Variants in ZSCAN25 observed in about 807,000 individuals in gnomAD.
ZSCAN25 encodes zinc finger and SCAN domain containing 25.
A neutral mutation model predicts 38.7 loss-of-function variants in ZSCAN25; 27 were observed. The ratio of observed to expected loss-of-function variants is 0.70; its 90% CI spans 0.51 to 0.96. The LOEUF (loss-of-function observed/expected upper bound fraction) is 0.96. Among genes scored for constraint, ZSCAN25 ranks in the 40% least tolerant of loss-of-function variants. The pLI, the probability that ZSCAN25 is intolerant of heterozygous loss-of-function variation, is 0.00. For missense variants in ZSCAN25, 637 were observed against 705.9 expected (o/e 0.90, Z 1.11); for synonymous variants, 273 against 277.7 (o/e 0.98, Z 0.17).
chr7:99,662,719 A>G, the ZSCAN25 span: 1 of 1,242,892 alleles, frequency 8.0e-7, no homozygotes, highest in Admixed American at 1.9e-5. The surrounding 1 kb of genome is among the most constrained non-coding windows in gnomAD (Gnocchi z 4.3). Context: ...TGTGGCAAAA[A>G]TTCTCATCTT....
chr7:99,680,653 G>T, the ZSCAN25 span, among the ~76,000 whole-genome samples: 1 of 152,194 alleles, frequency 6.6e-6, no homozygotes, highest in African/African-American at 2.4e-5. Context: ...GGGTGAGATT[G>T]CTGGGCGTCT....
chr7:99,654,505 A>G, the ZSCAN25 span, among the ~76,000 whole-genome samples: 1 of 152,146 alleles, frequency 6.6e-6, no homozygotes, highest in Non-Finnish European at 1.5e-5. Flanking sequence ...GGTTGGTTCC[A>G]AGTCTTTGCT....
At chr7:99,676,530 A>G in the ZSCAN25 span, 1 of 1,367,194 alleles carries the variant, frequency 7.3e-7, no homozygotes, top group East Asian at 4.3e-5. Context: ...TCATTTCCTT[A>G]TGTCTGTTTA....
At chr7:99,659,606 A>T in the ZSCAN25 span, 1 of 152,598 alleles carries the variant, frequency 6.6e-6, no homozygotes, top group African/African-American at 2.4e-5. Flanking sequence ...CAAAGCTGTC[A>T]GACAGGGACA....
the ZSCAN25 span, among the ~76,000 whole-genome samples, chr7:99,645,943 G>A: frequency 6.6e-6 from 1 of 151,692 alleles, no homozygotes; most frequent in East Asian, 1.9e-4. Context: ...TTTGTTACTG[G>A]GGTCTCTATT....
chr7:99,697,244 C>T, the ZSCAN25 span, among the ~76,000 whole-genome samples: 1 of 152,152 alleles, frequency 6.6e-6, no homozygotes, highest in East Asian at 1.9e-4. Context: ...TATGGCAGGC[C>T]TGCTTGCAAC....
At chr7:99,722,238 G>A in the ZSCAN25 span, 1 of 1,604,298 alleles carries the variant, frequency 6.2e-7, no homozygotes, top group Non-Finnish European at 8.5e-7. Flanking sequence ...CCTCTGTGCA[G>A]TGGGGTAAAC....
chr7:99,631,649 G>C lies in ZSCAN25; in HGVS notation c.*1629G>C. ...TTTTTTCATTTTCCATTGTAAATAA[G>C]GTAAATGGTAATGACTAACACAAAG... On this transcript the variant is annotated 3_prime_UTR_variant, in exon 8 of 8. Transcript: ENST00000394152. The C allele has an allele frequency of 1.0e-6, 1 of 985,140 alleles. No individual in the cohort carries two copies. 61.0% of individuals were successfully genotyped at this position (985,140 alleles called of 1,614,324 possible).
At chr7:99,689,960 A>G in the ZSCAN25 span, among the ~76,000 whole-genome samples, 1 of 152,246 alleles carries the variant, frequency 6.6e-6, no homozygotes, top group South Asian at 2.1e-4. Context: ...TTTAAAGTTC[A>G]TATGGAACCA....
the ZSCAN25 span, among the ~76,000 whole-genome samples, chr7:99,693,502 C>G: frequency 6.6e-6 from 1 of 152,260 alleles, no homozygotes; most frequent in African/African-American, 2.4e-5. Flanking sequence ...CTGCCCTGCC[C>G]CCAGAAGTGG....
the ZSCAN25 span, among the ~76,000 whole-genome samples, chr7:99,686,063 C>G: frequency 1.3e-5 from 2 of 152,206 alleles, no homozygotes; most frequent in African/African-American, 4.8e-5. Context: ...CTCCGGTCTA[C>G]AGCTCCCAGT....
the ZSCAN25 span, chr7:99,714,614 T>G: frequency 1.4e-4 from 218 of 1,613,232 alleles, no homozygotes; most frequent in Non-Finnish European, 1.8e-4. Flanking sequence ...GTTAGAAAAC[T>G]TATAACTTTT....
At chr7:99,652,572 C>T in the ZSCAN25 span, 1 of 1,611,528 alleles carries the variant, frequency 6.2e-7, no homozygotes, top group Non-Finnish European at 8.5e-7. Context: ...CGGAACTCCT[C>T]AGGCTCTGTC....
At chr7:99,701,103 GCTGTGCTCC>G in the ZSCAN25 span, among the ~76,000 whole-genome samples, 1 of 152,108 alleles carries the variant, frequency 6.6e-6, no homozygotes, top group Non-Finnish European at 1.5e-5. Context: ...TATTCTAATG[GCTGTGCTCC>G]CTGTACTTAG....
the ZSCAN25 span, among the ~76,000 whole-genome samples, chr7:99,682,750 A>G: frequency 1.2e-4 from 19 of 152,150 alleles, no homozygotes; most frequent in African/African-American, 3.9e-4. Flanking sequence ...AATGCTTACA[A>G]TATATAAACA....
chr7:99,697,202 C>T, the ZSCAN25 span, among the ~76,000 whole-genome samples: 1 of 152,190 alleles, frequency 6.6e-6, no homozygotes, highest in Non-Finnish European at 1.5e-5. Context: ...TCAAGTATCT[C>T]TGTAGGAAAA....
Position 99,630,346 on chromosome 7 carries a change from C to T in ZSCAN25, c.*326C>T, listed in dbSNP as rs115725210. On this transcript the variant is annotated 3_prime_UTR_variant, in exon 8 of 8. Coordinates refer to ENST00000394152, the MANE Select transcript of ZSCAN25 (RefSeq NM_145115.3). ...TGGGAGTAAAGGCAAAACCTTGACACGTGTTGGTAGCTGGGACCTCATCTT... is the reference window on the plus strand; with the variant it reads ...TGGGAGTAAAGGCAAAACCTTGACATGTGTTGGTAGCTGGGACCTCATCTT... The T allele has an allele frequency of 3.6e-4, 396 of 1,106,620 alleles. No individual in the cohort carries two copies. The African/African-American group carries it at 5.4e-3, about 15-fold the overall frequency. 68.6% of individuals were successfully genotyped at this position (1,106,620 alleles called of 1,614,324 possible).
the ZSCAN25 span, among the ~76,000 whole-genome samples, chr7:99,720,048 C>A: frequency 1.3e-5 from 2 of 152,156 alleles, no homozygotes; most frequent in East Asian, 3.9e-4. Context: ...ACTACCCACA[C>A]AAATGAGGGC....
chr7:99,722,690 T>G, the ZSCAN25 span, among the ~76,000 whole-genome samples: 13 of 152,216 alleles, frequency 8.5e-5, no homozygotes, highest in African/African-American at 3.1e-4. Context: ...TCTAGGGGCA[T>G]GTGGAGAAAC....
Sources: allele counts gnomAD v4.1 joint callset (sites outside exome capture counted in the v4.1 genomes callset), GRCh38; gene constraint gnomAD v4.1.1; non-coding constraint Gnocchi (gnomAD v3.1); transcripts MANE v1.5; gene names NCBI Gene and HGNC (gene_info 2026-07-23, HGNC 2026-07-21).